The following EIF4G2 variants were observed in gnomAD, a reference collection of about 807,000 sequenced individuals.
EIF4G2 encodes the protein DAP-5.
A neutral mutation model predicts 117.7 loss-of-function variants in EIF4G2; 8 were observed. That is an observed-to-expected ratio of 0.07 (90% CI 0.04 to 0.12). The LOEUF is 0.12. EIF4G2 is among the 10% of genes least tolerant of loss of function. The pLI is 1.00. For missense variants in EIF4G2, 812 were observed against 1,086.2 expected (o/e 0.75, Z 3.55); for synonymous variants, 413 against 367.8 (o/e 1.12, Z -1.41).
chr11:10,800,959 T>C lies in EIF4G2; in HGVS notation c.1539+3A>G, dbSNP rs1847400062. Reference sequence around the variant, plus strand: ...GAAAATGCTGTCCTACTATGGTCTGTACCTGTCCCAGAGGTGGTGTTTGAG... The same window carrying C: ...GAAAATGCTGTCCTACTATGGTCTGCACCTGTCCCAGAGGTGGTGTTTGAG... On this transcript the variant is annotated splice_donor_region_variant and intron_variant, in intron 15 of 21. Coordinates refer to ENST00000339995, the MANE Select transcript of EIF4G2 (RefSeq NM_001418.4). 6.2e-7 allele frequency: 1 copy of C among 1,614,064 alleles called. No homozygotes were observed. The highest frequency in any genetic ancestry group is 1.3e-5 in the African/African-American group (1 of 74,936).
chr11:10,808,418 C>G, intron 1 of EIF4G2: 2 of 1,261,296 alleles, frequency 1.6e-6, no homozygotes, highest in Non-Finnish European at 2.0e-6. Flanking sequence ...CGAGCACAGC[C>G]GTGCCTCGGT....
Position 10,803,924 on chromosome 11 carries a change from G to C in EIF4G2, c.677C>G (p.Ser226Cys). Residue 226 changes from serine (S) to cysteine (C), a missense_variant, in exon 8 of 22, where the codon TCT becomes TGT. Physicochemically the swap from Ser to Cys is moderately radical, Grantham distance 112. Around this residue, in one of 4 missense-constraint regions of EIF4G2, gnomAD observed 154 missense variants for 322.1 expected, o/e 0.48. Coordinates refer to ENST00000339995, the MANE Select transcript of EIF4G2 (RefSeq NM_001418.4). This position sits in a 1 kb window ranked among gnomAD's most constrained non-coding sequence, Gnocchi z 4.0. ...TGTTTTGATGCACTTATGAAGGATA[G>C]ATTCGTGAATAAGATCAAGCTTGCC... 1.2e-6 allele frequency: 2 copies of C among 1,614,002 alleles called. No individual in the cohort carries two copies. Among genetic ancestry groups the C allele is most frequent in the Non-Finnish European group, 1.7e-6 (2 of 1,179,962 alleles).
Position 10,800,297 on chromosome 11 carries a change from A to G in EIF4G2, c.1912T>C (p.Leu638=). The change falls in exon 18 of 22, where the codon TTG becomes CTG. Residue 638 remains leucine, a synonymous_variant. Transcript: ENST00000339995. ...AACTGTGCTAAATAGGATTTCACCA[A>G]AGGGATGTCAACCTCCAGTTTGGGA... The G allele has an allele frequency of 1.2e-6, 2 of 1,614,206 alleles. No homozygotes were observed. The highest frequency in any genetic ancestry group is 8.5e-7 in the Non-Finnish European group (1 of 1,180,030).
chr11:10,805,872 T>TG lies in EIF4G2; in HGVS notation c.248+34_248+35insC, dbSNP rs1847552945. The TG allele has an allele frequency of 1.9e-6, 3 of 1,613,898 alleles. No homozygotes were observed. The South Asian group carries it at 3.3e-5, about 18-fold the overall frequency. On this transcript the variant is annotated intron_variant, in intron 4 of 21. Coordinates refer to ENST00000339995, the MANE Select transcript of EIF4G2 (RefSeq NM_001418.4). ...ACACCAAACACAGCTAATCCACACT[T>TG]CCCATCTTTTAGTAAAACAGACCTT...
In EIF4G2 at chr11:10,804,254, C is replaced by G. The variant is rs1214172547; in HGVS notation, c.483+33G>C. ...TTATTAAGGAAATTTTTCAAGTCAA[C>G]TTTAAAACAAGCAAACAAAAACTAC... On this transcript the variant is annotated intron_variant, in intron 6 of 21. Coordinates refer to ENST00000339995, the MANE Select transcript of EIF4G2 (RefSeq NM_001418.4). The G allele has an allele frequency of 1.9e-6, 3 of 1,613,030 alleles. No individual in the cohort carries two copies. In the African/African-American group the frequency reaches 4.0e-5, roughly 22 times the overall value.
rs1483528420 is a variant in EIF4G2 at position 10,803,005 on chromosome 11, CAAACA to C, written c.996+20_996+24del. On this transcript the variant is annotated intron_variant, in intron 11 of 21. Transcript: ENST00000339995. This position sits in a 1 kb window ranked among gnomAD's most constrained non-coding sequence, Gnocchi z 4.0. ...TTCTACACACACAGAGTCTATGTGA[CAAACA>C]AAACAAAACCCAATCTTACTTTTAC... The C allele has an allele frequency of 5.6e-6, 9 of 1,599,770 alleles. No individual in the cohort carries two copies. The highest frequency in any genetic ancestry group is 6.8e-6 in the Non-Finnish European group (8 of 1,171,960).
At chr11:10,806,910 A>G in intron 2 of EIF4G2, 25 bp from the exon 3 acceptor site, 1 of 1,608,696 alleles carries the variant, frequency 6.2e-7, no homozygotes, top group Non-Finnish European at 8.5e-7. Flanking sequence ...AAAATTGTTT[A>G]CTGTATCCCA....
Position 10,801,018 on chromosome 11 carries a change from T to G in EIF4G2, c.1483A>C (p.Thr495Pro). The G allele has an allele frequency of 6.2e-7, 1 of 1,614,190 alleles. No individual in the cohort carries two copies. Among genetic ancestry groups the G allele is most frequent in the Non-Finnish European group, 8.5e-7 (1 of 1,180,028 alleles). ...GGTTGTGCACTAGGAGGAATCATAG[T>G]TATCTGGGGCTGAAGCTTTGGCACT... Residue 495 changes from threonine (T) to proline (P), a missense_variant, in exon 15 of 22, where the codon ACT becomes CCT. Physicochemically the swap from Thr to Pro is conservative, Grantham distance 38. Coordinates refer to ENST00000339995, the MANE Select transcript of EIF4G2 (RefSeq NM_001418.4).
chr11:10,807,001 C>A, intron 2 of EIF4G2, 116 bp from the exon 3 acceptor site: 2 of 1,287,416 alleles, frequency 1.6e-6, no homozygotes, highest in Non-Finnish European at 1.1e-6. Flanking sequence ...CTATTTTGCC[C>A]AGACTGGAGC....
Position 10,804,124 on chromosome 11 carries a change from C to T in EIF4G2, c.550+13G>A, listed in dbSNP as rs72854312. The T allele has an allele frequency of 0.016, 26,541 of 1,614,042 alleles. 251 individuals carry two copies. Among genetic ancestry groups the T allele is most frequent in the Non-Finnish European group, 0.02 (23,630 of 1,179,966 alleles). On this transcript the variant is annotated intron_variant, in intron 7 of 21. Transcript: ENST00000339995. Reference sequence around the variant, plus strand: ...AATATACAGTAGTACTTATTATCAGCTATAAGTCTTACCATCAACATTTCT... The same window carrying T: ...AATATACAGTAGTACTTATTATCAGTTATAAGTCTTACCATCAACATTTCT...
rs1847444831 is a variant in EIF4G2 at position 10,802,275 on chromosome 11, ATTG to A, written c.1138+16_1138+18del. On this transcript the variant is annotated intron_variant, in intron 12 of 21. Coordinates refer to ENST00000339995, the MANE Select transcript of EIF4G2 (RefSeq NM_001418.4). ...ACTGATTTTTCAGCTTAACGCAACC[ATTG>A]TTTTTTCAAAATTACCTGGCATTTG... The A allele has an allele frequency of 6.2e-7, 1 of 1,611,408 alleles. No homozygotes were observed. The highest frequency in any genetic ancestry group is 8.5e-7 in the Non-Finnish European group (1 of 1,178,640).
chr11:10,801,140 T>C (rs147199472), intron 14 of EIF4G2, 53 bp from the exon 15 acceptor site: 4 of 1,606,244 alleles, frequency 2.5e-6, no homozygotes, highest in Non-Finnish European at 3.4e-6. Flanking sequence ...TTGGCGAACA[T>C]ATTAAATACA....
rs777825737 is a variant in EIF4G2, at chr11:10,803,165, A to G, written c.898-37T>C. On this transcript the variant is annotated intron_variant, in intron 10 of 21. Transcript: ENST00000339995. The surrounding 1 kb of genome is among the most constrained non-coding windows in gnomAD (Gnocchi z 4.0). ...AAATAATTTTATTTTAATATTCCTA[A>G]ACCAAAAACTCAGCTTACCAACAAA... 1.2e-6 allele frequency: 2 copies of G among 1,606,416 alleles called. No homozygotes were observed. The highest frequency in any genetic ancestry group is 2.2e-5 in the South Asian group (2 of 89,082).
At position 10,803,089 on chromosome 11, in the gene EIF4G2, T is replaced by C; in HGVS notation, c.937A>G (p.Lys313Glu). Residue 313 changes from lysine (K) to glutamate (E), a missense_variant, in exon 11 of 22, where the codon AAG becomes GAG. Transcript: ENST00000339995. The surrounding 1 kb of genome is among the most constrained non-coding windows in gnomAD (Gnocchi z 4.0). ...TTTGGTCCATTGTCAAGAAAAGCCT[T>C]GCGAGGAACCCAATGGTGTTCTCGC... 1 of 1,610,998 alleles carries C rather than the reference T, an allele frequency of 6.2e-7. No individual in the cohort carries two copies. The highest frequency in any genetic ancestry group is 8.5e-7 in the Non-Finnish European group (1 of 1,178,312).
Position 10,800,097 on chromosome 11 carries a change from C to G in EIF4G2, c.2112G>C (p.Met704Ile), listed in dbSNP as rs768966280. The change falls in exon 18 of 22, where the codon ATG becomes ATC. Residue 704 changes from methionine (M) to isoleucine (I), a missense_variant. Physicochemically the swap from Met to Ile is conservative, Grantham distance 10. Coordinates refer to ENST00000339995, the MANE Select transcript of EIF4G2 (RefSeq NM_001418.4). ...AAGTCAGCATTCTCTTACCTGGGAGCATTTTCTGCATATTGACCTTGCTTT... is the reference window on the plus strand; with the variant it reads ...AAGTCAGCATTCTCTTACCTGGGAGGATTTTCTGCATATTGACCTTGCTTT... 6.2e-7 allele frequency: 1 copy of G among 1,612,494 alleles called. No homozygotes were observed. Among genetic ancestry groups the G allele is most frequent in the Non-Finnish European group, 8.5e-7 (1 of 1,179,202 alleles).
rs751103818 is a variant in EIF4G2, at chr11:10,804,117, T to C, written c.550+20A>G. ...AGCTGAAAATATACAGTAGTACTTA[T>C]TATCAGCTATAAGTCTTACCATCAA... On this transcript the variant is annotated intron_variant, in intron 7 of 21. Transcript: ENST00000339995. 1.2e-6 allele frequency: 2 copies of C among 1,613,966 alleles called. No individual in the cohort carries two copies. Among genetic ancestry groups the C allele is most frequent in the African/African-American group, 1.3e-5 (1 of 75,044 alleles).
intron 1 of EIF4G2, chr11:10,807,830 G>C: frequency 1.0e-6 from 1 of 984,012 alleles, no homozygotes; most frequent in Non-Finnish European, 1.2e-6. Flanking sequence ...CCTCCCCGTG[G>C]AGAGCTCGTG....
chr11:10,798,880 A>G, intron 21 of EIF4G2, 112 bp downstream of exon 21: 1 of 1,290,826 alleles, frequency 7.7e-7, no homozygotes, highest in Non-Finnish European at 1.1e-6. Flanking sequence ...GGTGAAGACA[A>G]ACTACTAACT....
At position 10,802,360 on chromosome 11, in the gene EIF4G2, G is replaced by C. The variant is rs1177564633; in HGVS notation, c.1072C>G (p.Pro358Ala). The change falls in exon 12 of 22, where the codon CCA becomes GCA. Residue 358 changes from proline to alanine, a missense_variant. Pro to Ala is a conservative substitution (Grantham distance 27). This residue lies in a region of EIF4G2 where 571 missense variants were observed against 642.3 expected (regional missense o/e 0.89). Transcript: ENST00000339995. ...TCCCTATCCATTTTCATCCTGGGTG[G>C]CATGAACGGTCCCTCCAGAAAGAAG... is the stretch of plus-strand genomic sequence containing the variant. The C allele has an allele frequency of 6.2e-7, 1 of 1,613,956 alleles. No individual in the cohort carries two copies.
Sources: gnomAD v4.1 joint callset for allele counts on GRCh38, gnomAD v4.1.1 for gene constraint, gnomAD v4.1.1 regional missense constraint, Gnocchi (gnomAD v3.1) non-coding constraint, MANE v1.5 for transcripts, NCBI Gene and HGNC (gene_info 2026-07-23, HGNC 2026-07-21) for gene names.